Variants in SCN8A observed in about 807,000 individuals in gnomAD.
SCN8A encodes the protein sodium channel protein type 8 subunit alpha.
In SCN8A, 30 loss-of-function variants were observed where a neutral mutation model predicts 184.1. The ratio of observed to expected loss-of-function variants is 0.16; its 90% confidence interval spans 0.12 to 0.22. The LOEUF (loss-of-function observed/expected upper bound fraction) is 0.22. Among genes scored for constraint, SCN8A ranks in the 10% least tolerant of loss-of-function variants. SCN8A has a pLI of 1.00. For synonymous variants in SCN8A, 852 were observed against 907.0 expected, an observed-to-expected ratio of 0.94 and a Z score of 1.09; for missense variants, 1,057 against 2,498.9, an observed-to-expected ratio of 0.42 and a Z score of 12.30.
intron 2 of SCN8A, among the ~76,000 whole-genome samples, chr12:51,682,879 A>G (rs1005873549): frequency 1.3e-5 from 2 of 152,026 alleles, no homozygotes; most frequent in Non-Finnish European, 2.9e-5. Flanking sequence ...TTACTGGTCA[A>G]TTCCCTAAAA....
At chr12:51,760,513 C>T (rs1942746776) in intron 14 of SCN8A, among the ~76,000 whole-genome samples, 1 of 152,192 alleles carries the variant, frequency 6.6e-6, no homozygotes. Flanking sequence ...GCCAGTGCTT[C>T]TTCATGAGCA....
intron 12 of SCN8A, among the ~76,000 whole-genome samples, chr12:51,724,462 C>A (rs1942124815): frequency 6.6e-6 from 1 of 151,480 alleles, no homozygotes; most frequent in Non-Finnish European, 1.5e-5. Context: ...AAAGAAAAAA[C>A]AAAACAAAAC....
At chr12:51,741,956 G>C (rs149686631) in intron 12 of SCN8A, among the ~76,000 whole-genome samples, 1 of 152,016 alleles carries the variant, frequency 6.6e-6, no homozygotes, top group African/African-American at 2.4e-5. Flanking sequence ...CGCCCACCTC[G>C]ACCTCCTAGA....
At chr12:51,789,786 A>G (rs896525492) in intron 24 of SCN8A, among the ~76,000 whole-genome samples, 2 of 152,230 alleles carry the variant, frequency 1.3e-5, no homozygotes, top group African/African-American at 2.4e-5. Context: ...TATCTAGTCA[A>G]TCTCTGAGCA....
intron 26 of SCN8A, among the ~76,000 whole-genome samples, chr12:51,804,693 C>T (rs1938647436): frequency 6.6e-6 from 1 of 152,176 alleles, no homozygotes; most frequent in Non-Finnish European, 1.5e-5. Context: ...CCAGGCTGGT[C>T]TTGAACTCCT....
At chr12:51,658,839 A>G (rs1464919970) in intron 1 of SCN8A, among the ~76,000 whole-genome samples, 5 of 152,168 alleles carry the variant, frequency 3.3e-5, no homozygotes, top group Non-Finnish European at 5.9e-5. Flanking sequence ...AGATGCTGCT[A>G]TACCCACCAG....
intron 2 of SCN8A, among the ~76,000 whole-genome samples, chr12:51,664,238 C>CG (rs1815144503): frequency 6.7e-6 from 1 of 149,982 alleles, no homozygotes; most frequent in African/African-American, 2.5e-5. Context: ...GACAGAGTCT[C>CG]GCACTGTTGC....
chr12:51,800,526 A>G (rs988609805), intron 26 of SCN8A, among the ~76,000 whole-genome samples: 4 of 152,220 alleles, frequency 2.6e-5, no homozygotes, highest in Non-Finnish European at 4.4e-5. Context: ...AATGGCTTCC[A>G]TTTGGCCTTT....
At chr12:51,710,817 C>A (rs1941862485) in intron 11 of SCN8A, among the ~76,000 whole-genome samples, 1 of 152,092 alleles carries the variant, frequency 6.6e-6, no homozygotes. Context: ...TTCATTTTAT[C>A]TTTCTGTTAT....
chr12:51,701,535 TG>T (rs1415350604), intron 8 of SCN8A, among the ~76,000 whole-genome samples: 1 of 152,158 alleles, frequency 6.6e-6, no homozygotes, highest in Non-Finnish European at 1.5e-5. Context: ...ATCTTAGTGA[TG>T]GTTATGGATC....
chr12:51,611,092 A>G (rs1462613289), intron 1 of SCN8A, among the ~76,000 whole-genome samples: 2 of 152,082 alleles, frequency 1.3e-5, no homozygotes, highest in Non-Finnish European at 2.9e-5. Flanking sequence ...AACATGATAC[A>G]TCTCTTCATT....
chr12:51,793,637 A>G (rs1401615356), intron 25 of SCN8A, among the ~76,000 whole-genome samples: 1 of 152,206 alleles, frequency 6.6e-6, no homozygotes, highest in Non-Finnish European at 1.5e-5. Flanking sequence ...CAGCTGGGTA[A>G]GTAGGACGAC....
At chr12:51,791,563 T>C (rs1305328463) in intron 25 of SCN8A, among the ~76,000 whole-genome samples, 1 of 152,230 alleles carries the variant, frequency 6.6e-6, no homozygotes, top group Non-Finnish European at 1.5e-5. Flanking sequence ...GCCTTCATTT[T>C]GTGATAGAAA....
At chr12:51,706,384 G>T in intron 10 of SCN8A, 38 bp from the exon 11 acceptor site, 2 of 1,496,608 alleles carry the variant, frequency 1.3e-6, no homozygotes, top group Non-Finnish European at 1.8e-6. Context: ...CCAGTTAATT[G>T]CCCTGGTCTG....
chr12:51,671,086 A>G (rs1941122776), intron 2 of SCN8A, among the ~76,000 whole-genome samples: 4 of 152,224 alleles, frequency 2.6e-5, no homozygotes, highest in Admixed American at 2.6e-4. Context: ...TGGAGAATCC[A>G]GAAGAATCAA....
At chr12:51,654,428 G>C (rs765812945) in intron 1 of SCN8A, among the ~76,000 whole-genome samples, 10 of 152,152 alleles carry the variant, frequency 6.6e-5, no homozygotes, top group Admixed American at 2.0e-4. Context: ...AGTTTTGCCA[G>C]CAACATTTGT....
chr12:51,668,558 T>C (rs1941076732), intron 2 of SCN8A, among the ~76,000 whole-genome samples: 1 of 152,160 alleles, frequency 6.6e-6, no homozygotes, highest in Non-Finnish European at 1.5e-5. Flanking sequence ...CCATTTTCAT[T>C]TATTCCTTAA....
chr12:51,672,804 A>G (rs899331394), intron 2 of SCN8A, among the ~76,000 whole-genome samples: 1 of 152,200 alleles, frequency 6.6e-6, no homozygotes, highest in African/African-American at 2.4e-5. Flanking sequence ...TCAGTCCCTG[A>G]GGATTGCCAG....
At chr12:51,690,813 G>A (rs945572607) in intron 6 of SCN8A, among the ~76,000 whole-genome samples, 2 of 152,184 alleles carry the variant, frequency 1.3e-5, no homozygotes, top group African/African-American at 4.8e-5. Context: ...ACAAATTTGG[G>A]CCATGGAGTT....
Sources: gnomAD v4.1 joint callset for allele counts (sites outside exome capture counted in the v4.1 genomes callset) on GRCh38, gnomAD v4.1.1 for gene constraint, MANE v1.5 for transcripts, NCBI Gene and HGNC (gene_info 2026-07-23, HGNC 2026-07-21) for gene names.